The following RBFOX3 variants were observed in gnomAD, a reference collection of about 807,000 sequenced individuals.
RBFOX3 encodes RNA binding protein fox-1 homolog 3.
A neutral mutation model predicts 48.7 loss-of-function variants in RBFOX3; 17 were observed. The observed-to-expected ratio is 0.35, with a 90% confidence interval of 0.24 to 0.52. RBFOX3 has a LOEUF of 0.52. Ranked by LOEUF, RBFOX3 falls within the 20% of genes least tolerant of loss-of-function variation. The pLI, the probability that RBFOX3 is intolerant of heterozygous loss-of-function variation, is 0.94. For synonymous variants in RBFOX3, 212 were observed against 209.5 expected (o/e 1.01, Z -0.10); for missense variants, 382 against 497.5 (o/e 0.77, Z 2.21).
At chr17:79,147,941 G>A (rs1002097538) in intron 4 of RBFOX3, among the ~76,000 whole-genome samples, 10 of 152,206 alleles carry the variant, frequency 6.6e-5, no homozygotes, top group Non-Finnish European at 1.3e-4. Context: ...ATTTCTCAAG[G>A]AATCACTGAC....
chr17:79,447,454 A>T (rs1195187878), intron 2 of RBFOX3, among the ~76,000 whole-genome samples: 1 of 152,208 alleles, frequency 6.6e-6, no homozygotes, highest in Non-Finnish European at 1.5e-5. Flanking sequence ...CCGAGCAGGC[A>T]TGACTTGCCT....
At chr17:79,367,552 A>G (rs567707168) in intron 2 of RBFOX3, among the ~76,000 whole-genome samples, 2 of 152,246 alleles carry the variant, frequency 1.3e-5, no homozygotes, top group South Asian at 4.1e-4. Flanking sequence ...GAAGACACAC[A>G]GTAAGAAGAG....
At chr17:79,270,550 C>T (rs956962462) in intron 3 of RBFOX3, among the ~76,000 whole-genome samples, 1 of 152,242 alleles carries the variant, frequency 6.6e-6, no homozygotes, top group African/African-American at 2.4e-5. Context: ...TTCCCTTTGC[C>T]ACTGGGCAGG....
the RBFOX3 span, among the ~76,000 whole-genome samples, chr17:79,649,548 A>G: frequency 6.6e-6 from 1 of 152,190 alleles, no homozygotes. Context: ...TCTACGAAAA[A>G]TACAAAAACT....
At chr17:79,343,868 T>C (rs1304461380) in intron 2 of RBFOX3, among the ~76,000 whole-genome samples, 1 of 152,146 alleles carries the variant, frequency 6.6e-6, no homozygotes, top group African/African-American at 2.4e-5. Context: ...GGGCAGGAAT[T>C]GGACACAGCC....
intron 2 of RBFOX3, among the ~76,000 whole-genome samples, chr17:79,466,290 G>A (rs1374185446): frequency 6.6e-6 from 1 of 152,224 alleles, no homozygotes; most frequent in Non-Finnish European, 1.5e-5. Context: ...CAAAGCCACA[G>A]GCCTTGGTGA....
Position 79,478,862 on chromosome 17 carries a change from A to T in RBFOX3, c.-175+3592T>A, listed in dbSNP as rs1015784133. Among the ~76,000 whole-genome samples the T allele has an allele frequency of 2.0e-4, 31 of 152,342 alleles. No individual in the cohort carries two copies. In the East Asian group the frequency reaches 6.0e-3, roughly 29 times the overall value. On this transcript the variant is annotated intron_variant, in intron 2 of 14. Transcript: ENST00000693108. The stretch of plus-strand genomic sequence containing the variant: ...TACTATACAGTAAAACCCAAATTGA[A>T]TCCATAGTTAAAGGGATGAGCTTTA...
chr17:79,185,392 G>A (rs2053195812), intron 4 of RBFOX3, among the ~76,000 whole-genome samples: 1 of 152,224 alleles, frequency 6.6e-6, no homozygotes, highest in Non-Finnish European at 1.5e-5. Context: ...GGCCGGGCAT[G>A]CCTGGGCCAG....
intron 4 of RBFOX3, among the ~76,000 whole-genome samples, chr17:79,178,923 A>C (rs1391149252): frequency 6.6e-6 from 1 of 152,168 alleles, no homozygotes; most frequent in Non-Finnish European, 1.5e-5. Flanking sequence ...GCAGCAATGG[A>C]TGCTGCCGCG....
the RBFOX3 span, among the ~76,000 whole-genome samples, chr17:79,662,506 C>G: frequency 6.6e-6 from 1 of 152,056 alleles, no homozygotes; most frequent in Non-Finnish European, 1.5e-5. Flanking sequence ...TCTGCCATGC[C>G]CTCCTTAACG....
At chr17:79,601,123 C>A (rs985244406) in intron 1 of RBFOX3, 1 of 152,226 alleles carries the variant, frequency 6.6e-6, no homozygotes, top group African/African-American at 2.4e-5. Context: ...CCGGCTGGGG[C>A]GTCTACACAC....
At chr17:79,145,510 C>T (rs1020798538) in intron 4 of RBFOX3, among the ~76,000 whole-genome samples, 3 of 152,244 alleles carry the variant, frequency 2.0e-5, no homozygotes, top group African/African-American at 7.2e-5. Context: ...GAAGCACCTG[C>T]TCTCCGTGTT....
At chr17:79,641,749 G>A in the RBFOX3 span, among the ~76,000 whole-genome samples, 3 of 152,184 alleles carry the variant, frequency 2.0e-5, no homozygotes, top group African/African-American at 7.2e-5. Flanking sequence ...GAGGGGCCTG[G>A]TGGGAAGTGA....
At chr17:79,131,164 G>C (rs1001611416) in intron 4 of RBFOX3, among the ~76,000 whole-genome samples, 28 of 152,088 alleles carry the variant, frequency 1.8e-4, no homozygotes, top group African/African-American at 6.8e-4. Context: ...CCGTGTGTGA[G>C]CCATGTGCTG....
intron 4 of RBFOX3, among the ~76,000 whole-genome samples, chr17:79,119,724 G>T (rs2035168592): frequency 6.6e-6 from 1 of 152,300 alleles, no homozygotes; most frequent in Admixed American, 6.5e-5. Flanking sequence ...GACTCAGGGG[G>T]TCTTAGGGTG....
intron 1 of RBFOX3, among the ~76,000 whole-genome samples, chr17:79,531,116 T>G (rs2087703705): frequency 6.6e-6 from 1 of 152,228 alleles, no homozygotes; most frequent in Non-Finnish European, 1.5e-5. Context: ...CACTTTCTCC[T>G]TGGAAGAACG....
At chr17:79,579,396 C>T (rs2092971232) in intron 1 of RBFOX3, among the ~76,000 whole-genome samples, 2 of 152,232 alleles carry the variant, frequency 1.3e-5, no homozygotes, top group South Asian at 2.1e-4. Flanking sequence ...AACTGCACCC[C>T]GCTTTTGGCC....
At chr17:79,400,862 C>A (rs1568184132) in intron 2 of RBFOX3, among the ~76,000 whole-genome samples, 1 of 152,214 alleles carries the variant, frequency 6.6e-6, no homozygotes, top group African/African-American at 2.4e-5. Flanking sequence ...CCCACACTCT[C>A]CTAAGCTGGG....
chr17:79,141,897 C>A (rs1415456288), intron 4 of RBFOX3, among the ~76,000 whole-genome samples: 1 of 152,166 alleles, frequency 6.6e-6, no homozygotes, highest in Non-Finnish European at 1.5e-5. Flanking sequence ...TCTGGAGAGC[C>A]AGCCTGGCCT....
Sources: gnomAD v4.1 joint callset for allele counts (sites outside exome capture counted in the v4.1 genomes callset) on GRCh38, gnomAD v4.1.1 for gene constraint, MANE v1.5 for transcripts, NCBI Gene and HGNC (gene_info 2026-07-23, HGNC 2026-07-21) for gene names.